GRHL2: variants seen among roughly 807,000 people sequenced by gnomAD.
The protein encoded by GRHL2 is grainyhead like transcription factor 2.
In GRHL2, 21 loss-of-function variants were observed where a neutral mutation model predicts 83.8. That is an observed-to-expected ratio of 0.25 (90% confidence interval 0.18 to 0.36). The LOEUF (loss-of-function observed/expected upper bound fraction) is 0.36. Ranked by LOEUF, GRHL2 falls within the 10% of genes least tolerant of loss-of-function variation. The pLI is 1.00. For missense variants in GRHL2, 623 were observed against 781.8 expected, an observed-to-expected ratio of 0.80 and a Z score of 2.42; for synonymous variants, 280 against 278.9, an observed-to-expected ratio of 1.00 and a Z score of -0.04.
chr8:101,492,894 C>A, intron 1 of GRHL2, 105 bp downstream of exon 1: 2 of 1,094,314 alleles, frequency 1.8e-6, no homozygotes, highest in Non-Finnish European at 2.8e-6. Flanking sequence ...TGGTATTTTT[C>A]TTTCTTTTTT....
At chr8:101,608,318 T>C (rs1269612308) in intron 8 of GRHL2, among the ~76,000 whole-genome samples, 1 of 152,146 alleles carries the variant, frequency 6.6e-6, no homozygotes, top group Non-Finnish European at 1.5e-5. Flanking sequence ...CACCTTTTTG[T>C]TTTGGAAAGA....
chr8:101,655,083 G>A (rs745373754), intron 14 of GRHL2, among the ~76,000 whole-genome samples: 1 of 152,064 alleles, frequency 6.6e-6, no homozygotes, highest in South Asian at 2.1e-4. Flanking sequence ...TCGGGAGGCT[G>A]AAGCAGGAGA....
chr8:101,587,924 A>T (rs1812201390), intron 7 of GRHL2, among the ~76,000 whole-genome samples: 1 of 152,234 alleles, frequency 6.6e-6, no homozygotes, highest in African/African-American at 2.4e-5. Context: ...AGGCAAATTT[A>T]AAGTTTTTCT....
chr8:101,670,649 C>T (rs776462236), downstream of GRHL2, among the ~76,000 whole-genome samples: 11 of 152,222 alleles, frequency 7.2e-5, no homozygotes, highest in Admixed American at 2.0e-4. Flanking sequence ...GCTGAGGATA[C>T]GAGCTGGTCT....
At chr8:101,632,604 A>G (rs1813208543) in intron 11 of GRHL2, among the ~76,000 whole-genome samples, 1 of 152,256 alleles carries the variant, frequency 6.6e-6, no homozygotes, top group South Asian at 2.1e-4. Context: ...AAAGCGTGGA[A>G]GAGGAAGAAA....
chr8:101,504,246 T>G (rs1810289810), intron 1 of GRHL2, among the ~76,000 whole-genome samples: 1 of 152,210 alleles, frequency 6.6e-6, no homozygotes, highest in South Asian at 2.1e-4. Context: ...GTGCTATTCC[T>G]TAGTGACCTG....
chr8:101,501,421 G>C (rs1053228535), intron 1 of GRHL2, among the ~76,000 whole-genome samples: 2 of 152,198 alleles, frequency 1.3e-5, no homozygotes, highest in African/African-American at 4.8e-5. Flanking sequence ...CTGAGAGCCA[G>C]AGTCCCTTCT....
chr8:101,563,563 T>C (rs1057504776), intron 4 of GRHL2, among the ~76,000 whole-genome samples: 1 of 152,164 alleles, frequency 6.6e-6, no homozygotes, highest in Non-Finnish European at 1.5e-5. Flanking sequence ...ATATGATAAA[T>C]TCCTTGTCCT....
At chr8:101,585,458 G>T (rs10505011) in intron 7 of GRHL2, among the ~76,000 whole-genome samples, 14,713 of 152,240 alleles carry the variant, frequency 0.097, 771 homozygotes, top group South Asian at 0.14. Flanking sequence ...AATTAAGGCT[G>T]TAGTTGGAGC....
At chr8:101,643,016 C>T (rs951832982) in intron 12 of GRHL2, among the ~76,000 whole-genome samples, 4 of 152,176 alleles carry the variant, frequency 2.6e-5, no homozygotes, top group African/African-American at 9.7e-5. Context: ...GTAATGTGGT[C>T]TCAGAATTCC....
At chr8:101,636,459 C>T (rs1813287907) in intron 11 of GRHL2, among the ~76,000 whole-genome samples, 1 of 152,100 alleles carries the variant, frequency 6.6e-6, no homozygotes, top group South Asian at 2.1e-4. Flanking sequence ...ATTTGGTCCA[C>T]AGACAAGCTG....
chr8:101,647,764 CACTA>C (rs1256226183), intron 13 of GRHL2, among the ~76,000 whole-genome samples: 1 of 131,694 alleles, frequency 7.6e-6, no homozygotes, highest in East Asian at 2.2e-4. Context: ...TTTTTTCATA[CACTA>C]ACTGAACATC....
At chr8:101,564,637 C>G (rs1811676683) in intron 4 of GRHL2, among the ~76,000 whole-genome samples, 1 of 151,906 alleles carries the variant, frequency 6.6e-6, no homozygotes, top group South Asian at 2.1e-4. Flanking sequence ...GAGACCCTGT[C>G]TCTACAAAAA....
intron 7 of GRHL2, among the ~76,000 whole-genome samples, chr8:101,596,480 A>G (rs1218945281): frequency 2.0e-5 from 3 of 152,244 alleles, no homozygotes; most frequent in African/African-American, 7.2e-5. Flanking sequence ...TTAGCTGTAT[A>G]GATAATTAAA....
chr8:101,574,476 C>CAGT (rs1313832201), intron 6 of GRHL2, among the ~76,000 whole-genome samples: 2 of 152,240 alleles, frequency 1.3e-5, no homozygotes, highest in African/African-American at 4.8e-5. Flanking sequence ...AATTATAGCA[C>CAGT]AGCTCTGAAA....
At chr8:101,643,184 G>A (rs1045569674) in intron 12 of GRHL2, among the ~76,000 whole-genome samples, 26 of 151,956 alleles carry the variant, frequency 1.7e-4, no homozygotes, top group Admixed American at 1.4e-3. Context: ...CAACATTCAG[G>A]ATCATGGCAT....
intron 7 of GRHL2, among the ~76,000 whole-genome samples, chr8:101,589,556 G>A (rs1380467711): frequency 6.6e-6 from 1 of 152,178 alleles, no homozygotes; most frequent in Non-Finnish European, 1.5e-5. Context: ...AATGTCAAAT[G>A]TTCATACTCT....
intron 4 of GRHL2, among the ~76,000 whole-genome samples, chr8:101,569,268 A>G (rs141466538): frequency 1.3e-5 from 2 of 152,330 alleles, no homozygotes; most frequent in Non-Finnish European, 2.9e-5. Flanking sequence ...TGTACATACA[A>G]TTGAACATCT....
At chr8:101,534,570 G>T (rs144608382) in intron 1 of GRHL2, among the ~76,000 whole-genome samples, 1 of 152,042 alleles carries the variant, frequency 6.6e-6, no homozygotes, top group Non-Finnish European at 1.5e-5. Flanking sequence ...ACTCACGAGG[G>T]TGTGAATTCT....
Sources: gnomAD v4.1 joint callset for allele counts (sites outside exome capture counted in the v4.1 genomes callset) on GRCh38, gnomAD v4.1.1 for gene constraint, MANE v1.5 for transcripts, NCBI Gene and HGNC (gene_info 2026-07-23, HGNC 2026-07-21) for gene names.